The following HERC1 variants were observed in gnomAD, a reference collection of about 807,000 sequenced individuals.
HERC1 encodes the protein HECT and RLD domain containing E3 ubiquitin protein ligase family member 1.
Under a neutral mutation model 554.3 loss-of-function variants are expected in HERC1, and 160 were observed. The ratio of observed to expected loss-of-function variants is 0.29; its 90% CI spans 0.25 to 0.33. The LOEUF (loss-of-function observed/expected upper bound fraction) is 0.33, where lower values mean the gene tolerates loss of function less well. Ranked by LOEUF, HERC1 falls within the 10% of genes least tolerant of loss-of-function variation. The pLI is 1.00. For synonymous variants in HERC1, 2,175 were observed against 2,131.7 expected (o/e 1.02, Z -0.56); for missense variants, 4,919 against 5,918.5 (o/e 0.83, Z 5.54).
At chr15:63,810,880 G>A (rs1361408905) in intron 1 of HERC1, among the ~76,000 whole-genome samples, 1 of 152,168 alleles carries the variant, frequency 6.6e-6, no homozygotes, top group Non-Finnish European at 1.5e-5. Flanking sequence ...GTGATTTAAG[G>A]AGTACATAAC....
chr15:63,820,180 T>C (rs2077637384), intron 1 of HERC1, among the ~76,000 whole-genome samples: 1 of 152,164 alleles, frequency 6.6e-6, no homozygotes, highest in Admixed American at 6.5e-5. Flanking sequence ...ACAGTAAATG[T>C]TCAGTGTGCT....
chr15:63,704,384 C>T (rs1413501272), intron 25 of HERC1, among the ~76,000 whole-genome samples: 1 of 152,034 alleles, frequency 6.6e-6, no homozygotes, highest in Admixed American at 6.6e-5. Flanking sequence ...AATTATATTT[C>T]CATATGCATG....
chr15:63,646,830 A>AAAC (rs1174724905), intron 55 of HERC1, among the ~76,000 whole-genome samples: 3 of 104,156 alleles, frequency 2.9e-5, no homozygotes, highest in African/African-American at 7.3e-5. Context: ...ACAAACAAAC[A>AAAC]AAAACAAAAA....
Position 63,694,414 on chromosome 15 carries a change from C to T in HERC1, c.5378G>A (p.Gly1793Glu). The change falls in exon 29 of 78, where the codon GGA (glycine) becomes GAA (glutamate). Residue 1793 changes from glycine to glutamate, a missense_variant. Gly to Glu is a moderately conservative substitution (Grantham distance 98). Around this residue, in one of 11 missense-constraint regions of HERC1, gnomAD observed 1,121 missense variants for 1,244.0 expected, o/e 0.90. Transcript: ENST00000443617. The surrounding 1 kb of genome is among the most constrained non-coding windows in gnomAD (Gnocchi z 4.3). ...CTTTGGCAACAACTGCAGGGGCTGT[C>T]CTAGCATGGTGTCTGTACCACACAA... Reference protein sequence around the residue: ...SQLCGTDTMLGQPLQLLPKTG... With the variant: ...SQLCGTDTMLEQPLQLLPKTG... 6.2e-7 allele frequency: 1 copy of T among 1,613,914 alleles called. No individual in the cohort carries two copies. The highest frequency in any genetic ancestry group is 8.5e-7 in the Non-Finnish European group (1 of 1,179,848).
chr15:63,639,072 C>A (rs1270170140), intron 61 of HERC1, among the ~76,000 whole-genome samples: 3 of 152,192 alleles, frequency 2.0e-5, no homozygotes, highest in African/African-American at 7.2e-5. Context: ...CCCCACACCC[C>A]TGTAAACTCT....
Position 63,775,136 on chromosome 15 carries a change from C to A in HERC1, c.488G>T (p.Arg163Leu), listed in dbSNP as rs375843350. 1.5e-5 allele frequency: 25 copies of A among 1,613,866 alleles called. No individual in the cohort carries two copies. Among genetic ancestry groups the A allele is most frequent in the Non-Finnish European group, 3.4e-6 (4 of 1,179,890 alleles). The change falls in exon 2 of 78, where the codon CGA becomes CTA. Residue 163 changes from arginine (R) to leucine (L), a missense_variant. By Grantham distance (102) the Arg-to-Leu change is moderately radical (BLOSUM62 -2). Around this residue, in one of 11 missense-constraint regions of HERC1, gnomAD observed 744 missense variants for 1,090.0 expected, o/e 0.68. Transcript: ENST00000443617. The surrounding 1 kb of genome is among the most constrained non-coding windows in gnomAD (Gnocchi z 4.0). ...STDALIEMGV[R>L]TGLSLLFALL... Reference sequence around the variant, plus strand: ...CGCAAATAATAAACTTAGACCAGTTCGAACACCCATTTCTATAAGTGCATC... The same window carrying A: ...CGCAAATAATAAACTTAGACCAGTTAGAACACCCATTTCTATAAGTGCATC...
chr15:63,695,529 G>A (rs902009535), intron 27 of HERC1, among the ~76,000 whole-genome samples: 2 of 151,842 alleles, frequency 1.3e-5, no homozygotes, highest in African/African-American at 4.8e-5. Flanking sequence ...TGGGATTACA[G>A]GCGCCCACCA....
At position 63,758,138 on chromosome 15, in the gene HERC1, A is replaced by T. The variant is rs770499811; in HGVS notation, c.1221+37T>A. 1 of 1,457,798 alleles carries T rather than the reference A, an allele frequency of 6.9e-7. No homozygotes were observed. The highest frequency in any genetic ancestry group is 1.8e-5 in the Admixed American group (1 of 56,908). 90.3% of individuals were successfully genotyped at this position (1,457,798 alleles called of 1,614,324 possible). ...GCAAATAAGCATGAATATACACCAG[A>T]TTATCTACCAGTTTGTAAGCTATTT... On this transcript the variant is annotated intron_variant, in intron 4 of 77. Coordinates refer to ENST00000443617, the MANE Select transcript of HERC1 (RefSeq NM_003922.4). This position sits in a 1 kb window ranked among gnomAD's most constrained non-coding sequence, Gnocchi z 4.0.
At position 63,720,197 on chromosome 15, in the gene HERC1, G is replaced by A. The variant is rs557406004; in HGVS notation, c.3743-1300C>T. Among the ~76,000 whole-genome samples, 8 of 144,372 alleles carry A rather than the reference G, an allele frequency of 5.5e-5. No homozygotes were observed. The East Asian group carries it at 1.2e-3, about 21-fold the overall frequency. 94.7% of individuals were successfully genotyped at this position (144,372 alleles called of 152,430 possible). A position where few individuals can be genotyped will look rare whatever the true frequency, so the allele number is the denominator to read the frequency against. ...TAGCTCACTGCAGTCTCAAACCCCT[G>A]GGCTCAAGCGATCCTCCTGCCTCAG... On this transcript the variant is annotated intron_variant, in intron 19 of 77. Transcript: ENST00000443617.
rs201217308 is a variant in HERC1, at chr15:63,612,594, G to A, written c.14095-38C>T. Reference sequence around the variant, plus strand: ...GAGGTTGCTCATTCAATGAGTGTGCGTGAACCTGGCACCCACCAAGGGCCC... The same window carrying A: ...GAGGTTGCTCATTCAATGAGTGTGCATGAACCTGGCACCCACCAAGGGCCC... On this transcript the variant is annotated intron_variant, in intron 76 of 77. Coordinates refer to ENST00000443617, the MANE Select transcript of HERC1 (RefSeq NM_003922.4). This position sits in a 1 kb window ranked among gnomAD's most constrained non-coding sequence, Gnocchi z 5.0. 155 of 1,583,300 alleles carry A rather than the reference G, an allele frequency of 9.8e-5. 1 individual carries two copies. The highest frequency in any genetic ancestry group is 5.9e-4 in the African/African-American group (44 of 74,644).
At chr15:63,819,809 C>T (rs757882249) in intron 1 of HERC1, among the ~76,000 whole-genome samples, 28 of 152,268 alleles carry the variant, frequency 1.8e-4, no homozygotes, top group South Asian at 1.0e-3. Flanking sequence ...CTAGTCTCCA[C>T]CAACATTTTT....
chr15:63,747,661 T>C (rs2075103902), intron 11 of HERC1, 63 bp downstream of exon 11: 1 of 927,282 alleles, frequency 1.1e-6, no homozygotes, highest in African/African-American at 1.7e-5. Context: ...GAATAATTTA[T>C]ACACATGCAC....
intron 1 of HERC1, among the ~76,000 whole-genome samples, chr15:63,781,758 T>G (rs969522290): frequency 5.3e-5 from 8 of 152,200 alleles, no homozygotes; most frequent in African/African-American, 1.9e-4. Context: ...GGCCAAAAGC[T>G]AAGCCTCTTG....
At position 63,680,064 on chromosome 15, in the gene HERC1, G is replaced by T; in HGVS notation, c.6549+13C>A. 6.5e-7 allele frequency: 1 copy of T among 1,538,086 alleles called. No homozygotes were observed. Among genetic ancestry groups the T allele is most frequent in the South Asian group, 1.1e-5 (1 of 87,724 alleles). ...AACAAATATTCTTAAATAAAGGTTT[G>T]AGACTTCATTACCTTTTCCCCTGGA... On this transcript the variant is annotated intron_variant, in intron 36 of 77. Transcript: ENST00000443617. The surrounding 1 kb of genome is among the most constrained non-coding windows in gnomAD (Gnocchi z 5.8).
intron 14 of HERC1, among the ~76,000 whole-genome samples, chr15:63,731,689 G>GA (rs2074299948): frequency 6.6e-6 from 1 of 152,206 alleles, no homozygotes; most frequent in East Asian, 1.9e-4. Context: ...TGTATTGGAA[G>GA]AAAAAGAGTA....
intron 12 of HERC1, among the ~76,000 whole-genome samples, chr15:63,745,540 T>C (rs1474437601): frequency 1.3e-5 from 2 of 152,170 alleles, no homozygotes; most frequent in East Asian, 1.9e-4. Context: ...TCTAACAGGA[T>C]AGCATTGAGT....
chr15:63,744,404 C>A (rs2074975851), intron 12 of HERC1, among the ~76,000 whole-genome samples: 3 of 152,166 alleles, frequency 2.0e-5, no homozygotes, highest in African/African-American at 7.2e-5. Context: ...GTGGCAAAGC[C>A]AGCCAGGCCG....
intron 24 of HERC1, among the ~76,000 whole-genome samples, chr15:63,711,865 G>A (rs1479510180): frequency 6.6e-6 from 1 of 152,098 alleles, no homozygotes; most frequent in Admixed American, 6.6e-5. Flanking sequence ...AGCCCAGGGA[G>A]GTCATAGCAC....
At chr15:63,654,856 A>G (rs2069928803) in intron 50 of HERC1, among the ~76,000 whole-genome samples, 1 of 151,846 alleles carries the variant, frequency 6.6e-6, no homozygotes, top group South Asian at 2.1e-4. Flanking sequence ...GTGACACAGC[A>G]AGACTCCATC....
Sources: allele counts gnomAD v4.1 joint callset (sites outside exome capture counted in the v4.1 genomes callset), GRCh38; gene constraint gnomAD v4.1.1; regional missense constraint gnomAD v4.1.1; non-coding constraint Gnocchi (gnomAD v3.1); transcripts MANE v1.5; gene names NCBI Gene and HGNC (gene_info 2026-07-23, HGNC 2026-07-21).